The following SPATA13 variants were observed in gnomAD, a reference collection of about 807,000 sequenced individuals.
SPATA13 encodes the protein spermatogenesis associated 13.
A neutral mutation model predicts 104.0 loss-of-function variants in SPATA13; 50 were observed. The observed-to-expected ratio is 0.48, with a 90% confidence interval of 0.38 to 0.61. The LOEUF (loss-of-function observed/expected upper bound fraction) is 0.61. Ranked by LOEUF, SPATA13 falls within the 20% of genes least tolerant of loss-of-function variation. The pLI is 0.00. For synonymous variants in SPATA13, 606 were observed against 667.5 expected (o/e 0.91, Z 1.42); for missense variants, 1,524 against 1,690.6 (o/e 0.90, Z 1.73).
chr13:24,258,553 C>G (rs1873905253), intron 4 of SPATA13, among the ~76,000 whole-genome samples: 1 of 151,634 alleles, frequency 6.6e-6, no homozygotes, highest in Non-Finnish European at 1.5e-5. Context: ...CCTGTAGTAC[C>G]AGCTACTCAG....
At chr13:24,274,476 A>G (rs2138703655) in intron 4 of SPATA13, among the ~76,000 whole-genome samples, 1 of 152,248 alleles carries the variant, frequency 6.6e-6, no homozygotes, top group African/African-American at 2.4e-5. Flanking sequence ...CTGAAGGGGG[A>G]TGGACCCTGG....
At chr13:24,056,473 A>T (rs1025784561) in intron 3 of SPATA13, among the ~76,000 whole-genome samples, 1 of 152,208 alleles carries the variant, frequency 6.6e-6, no homozygotes, top group Non-Finnish European at 1.5e-5. Context: ...CTCACCTTAC[A>T]TGCTCCCATG....
At chr13:24,035,872 G>C (rs1877661074) in intron 3 of SPATA13, among the ~76,000 whole-genome samples, 1 of 151,960 alleles carries the variant, frequency 6.6e-6, no homozygotes, top group Admixed American at 6.6e-5. Flanking sequence ...AAATTAGCAG[G>C]GTGATCATGG....
At chr13:24,263,669 G>A (rs1470515335) in intron 4 of SPATA13, among the ~76,000 whole-genome samples, 1 of 152,174 alleles carries the variant, frequency 6.6e-6, no homozygotes, top group African/African-American at 2.4e-5. Flanking sequence ...TTAGGGAATA[G>A]TTACAAGAAA....
chr13:24,110,080 C>T (rs1480337431), intron 3 of SPATA13, among the ~76,000 whole-genome samples: 1 of 150,532 alleles, frequency 6.6e-6, no homozygotes. Flanking sequence ...CCATTTTTGG[C>T]TGACTTTATT....
At chr13:24,266,153 A>G (rs1053755772) in intron 4 of SPATA13, among the ~76,000 whole-genome samples, 1 of 152,200 alleles carries the variant, frequency 6.6e-6, no homozygotes. Flanking sequence ...CAAGAATTTT[A>G]TGACATTTCT....
At chr13:24,271,361 G>A (rs1386522779) in intron 4 of SPATA13, among the ~76,000 whole-genome samples, 1 of 152,140 alleles carries the variant, frequency 6.6e-6, no homozygotes, top group Non-Finnish European at 1.5e-5. Context: ...TTGGTGGTGT[G>A]TATAAGAATG....
chr13:24,249,190 C>T (rs1203809917), intron 2 of SPATA13, among the ~76,000 whole-genome samples: 4 of 152,114 alleles, frequency 2.6e-5, no homozygotes, highest in Non-Finnish European at 5.9e-5. Context: ...TTCTTAATGC[C>T]TTTTATCATA....
At chr13:24,125,571 G>A (rs1881182760) in intron 3 of SPATA13, among the ~76,000 whole-genome samples, 1 of 152,174 alleles carries the variant, frequency 6.6e-6, no homozygotes, top group Admixed American at 6.5e-5. Context: ...GGTTTAAGGA[G>A]CGAGGGAGAA....
At chr13:24,302,490 G>C in intron 12 of SPATA13, 108 bp from the exon 13 acceptor site, 1 of 238,352 alleles carries the variant, frequency 4.2e-6, no homozygotes, top group Non-Finnish European at 7.9e-6. Context: ...AAAAAAAAAA[G>C]AATTAGCTGA....
At chr13:24,300,658 C>T (rs773185706) in intron 12 of SPATA13, 183 bp downstream of exon 12, 20 of 607,420 alleles carry the variant, frequency 3.3e-5, no homozygotes, top group South Asian at 7.8e-5. Context: ...TTTGAATGTG[C>T]GTCAGTGTTT....
At chr13:24,057,147 T>C (rs1057170022) in intron 3 of SPATA13, among the ~76,000 whole-genome samples, 6 of 151,948 alleles carry the variant, frequency 3.9e-5, no homozygotes, top group Non-Finnish European at 5.9e-5. Flanking sequence ...TTGTTACATA[T>C]GTATACATGT....
chr13:24,233,717 G>A (rs1312549581), intron 2 of SPATA13, among the ~76,000 whole-genome samples: 3 of 152,118 alleles, frequency 2.0e-5, no homozygotes, highest in African/African-American at 7.2e-5. Flanking sequence ...ATTTCTGAAA[G>A]GGTGCTCAAC....
intron 4 of SPATA13, among the ~76,000 whole-genome samples, chr13:24,264,474 A>G (rs1004248445): frequency 2.0e-5 from 3 of 152,228 alleles, no homozygotes; most frequent in Admixed American, 6.5e-5. Flanking sequence ...TAGTGGAGCT[A>G]GCATTCAAAT....
intron 2 of SPATA13, among the ~76,000 whole-genome samples, chr13:24,233,977 A>G (rs9511160): frequency 6.6e-6 from 1 of 152,120 alleles, no homozygotes; most frequent in Non-Finnish European, 1.5e-5. Flanking sequence ...ATTATCGTAT[A>G]CCTGTAGTTT....
chr13:24,090,088 G>A (rs1879863009), intron 3 of SPATA13, among the ~76,000 whole-genome samples: 1 of 152,170 alleles, frequency 6.6e-6, no homozygotes, highest in African/African-American at 2.4e-5. Context: ...TTTTGGGAAA[G>A]CTTCAGACTA....
chr13:24,191,719 C>T (rs1488908091), intron 1 of SPATA13, among the ~76,000 whole-genome samples: 1 of 151,888 alleles, frequency 6.6e-6, no homozygotes, highest in Non-Finnish European at 1.5e-5. Flanking sequence ...ACTGTGTTAG[C>T]CAGGATGGTC....
In SPATA13 at chr13:24,200,911, C is replaced by G. The variant is rs1593411325; in HGVS notation, c.-111-21908C>G. Among the ~76,000 whole-genome samples the G allele has an allele frequency of 3.9e-5, 6 of 151,974 alleles. No individual in the cohort carries two copies. In the South Asian group the frequency reaches 1.2e-3, roughly 32 times the overall value. On this transcript the variant is annotated intron_variant, in intron 1 of 12. Transcript: ENST00000382108. ...ATAATCTTGCTTTAAAATTGAGGCTCTTGATATTGACAGAATGTGTCTGAT... is the reference window on the plus strand; with the variant it reads ...ATAATCTTGCTTTAAAATTGAGGCTGTTGATATTGACAGAATGTGTCTGAT...
intron 2 of SPATA13, among the ~76,000 whole-genome samples, chr13:24,004,456 G>C (rs1318490075): frequency 6.6e-6 from 1 of 152,094 alleles, no homozygotes; most frequent in Non-Finnish European, 1.5e-5. Flanking sequence ...AGTTCTCTAG[G>C]AAAACCAAGG....
Sources: gnomAD v4.1 joint callset for allele counts (sites outside exome capture counted in the v4.1 genomes callset) on GRCh38, gnomAD v4.1.1 for gene constraint, MANE v1.5 for transcripts, NCBI Gene and HGNC (gene_info 2026-07-23, HGNC 2026-07-21) for gene names.